Variants in BMP5 observed in about 807,000 individuals in gnomAD.
The protein encoded by BMP5 is bone morphogenetic protein 5.
BMP5 carries 23 observed loss-of-function variants against 46.6 expected under a neutral mutation model. The observed-to-expected ratio is 0.49, with a 90% CI of 0.35 to 0.70. The LOEUF (loss-of-function observed/expected upper bound fraction) is 0.70. Among genes scored for constraint, BMP5 ranks in the 30% least tolerant of loss-of-function variants. BMP5 has a pLI of 0.00. For missense variants in BMP5, 545 were observed against 565.6 expected (o/e 0.96, Z 0.37); for synonymous variants, 204 against 191.9 (o/e 1.06, Z -0.52).
At chr6:55,850,678 A>G (rs1463576763) in intron 1 of BMP5, among the ~76,000 whole-genome samples, 3 of 152,144 alleles carry the variant, frequency 2.0e-5, no homozygotes, top group Non-Finnish European at 2.9e-5. Context: ...TGATAAAGGC[A>G]CTGCCATTCA....
intron 3 of BMP5, among the ~76,000 whole-genome samples, chr6:55,777,000 G>A (rs1424420235): frequency 6.6e-6 from 1 of 151,892 alleles, no homozygotes; most frequent in Non-Finnish European, 1.5e-5. Flanking sequence ...CCAAACCAAT[G>A]TGAACTCCCT....
chr6:55,823,009 G>A (rs1776445497), intron 1 of BMP5, among the ~76,000 whole-genome samples: 7 of 152,066 alleles, frequency 4.6e-5, no homozygotes, highest in Admixed American at 4.6e-4. Flanking sequence ...ACAGCCTAAT[G>A]ATGCCCACAA....
At chr6:55,772,908 G>A (rs751732395) in intron 4 of BMP5, 28 of 984,768 alleles carry the variant, frequency 2.8e-5, no homozygotes, top group South Asian at 2.8e-4. Flanking sequence ...TTTATGGAGC[G>A]TCTCTGAGCA....
At chr6:55,822,054 T>G (rs989016326) in intron 1 of BMP5, among the ~76,000 whole-genome samples, 3 of 152,180 alleles carry the variant, frequency 2.0e-5, no homozygotes, top group African/African-American at 4.8e-5. Flanking sequence ...CATAACAGCC[T>G]ACAAGGTAGG....
At chr6:55,851,319 T>A (rs952039954) in intron 1 of BMP5, among the ~76,000 whole-genome samples, 2 of 152,202 alleles carry the variant, frequency 1.3e-5, no homozygotes, top group Non-Finnish European at 2.9e-5. Context: ...CTTCCCTTCC[T>A]GGCTTCTTTC....
intron 1 of BMP5, among the ~76,000 whole-genome samples, chr6:55,843,905 T>C (rs1777030609): frequency 6.6e-6 from 1 of 152,176 alleles, no homozygotes; most frequent in Middle Eastern, 3.4e-3. Context: ...TTCTTGTTTT[T>C]TCAAAGAGAA....
At chr6:55,846,023 G>A (rs1185704901) in intron 1 of BMP5, among the ~76,000 whole-genome samples, 1 of 151,980 alleles carries the variant, frequency 6.6e-6, no homozygotes, top group Non-Finnish European at 1.5e-5. Context: ...TTAGCTGGAA[G>A]AGCAAGTGCT....
At chr6:55,871,545 T>C (rs2127556741) in intron 1 of BMP5, among the ~76,000 whole-genome samples, 1 of 152,050 alleles carries the variant, frequency 6.6e-6, no homozygotes, top group East Asian at 1.9e-4. Flanking sequence ...ATTTTGCTTT[T>C]AGTAAATTCA....
rs150604435 is a variant in BMP5, at chr6:55,785,122, A to G, written c.832+9157T>C. Among the ~76,000 whole-genome samples the G allele has an allele frequency of 6.8e-3, 1,041 of 152,014 alleles. 12 individuals are homozygous for G. Among genetic ancestry groups the G allele is most frequent in the African/African-American group, 0.024 (981 of 41,532 alleles). On this transcript the variant is annotated intron_variant, in intron 3 of 6. Transcript: ENST00000370830. ...AAATTCTTACTGAAAATGAATTAAA[A>G]ATATACCTAGAAAGTTAAACCTGGA... is the stretch of plus-strand genomic sequence containing the variant.
intron 1 of BMP5, among the ~76,000 whole-genome samples, chr6:55,822,882 C>G (rs1040174042): frequency 6.6e-6 from 1 of 152,124 alleles, no homozygotes; most frequent in Non-Finnish European, 1.5e-5. Flanking sequence ...CCACACAGAA[C>G]GAAGTTGCAT....
rs143770481 is a variant in BMP5, at chr6:55,821,518, G to A, written c.491-1671C>T. Among the ~76,000 whole-genome samples the A allele has an allele frequency of 2.3e-3, 354 of 152,186 alleles. 3 individuals are homozygous for A. Among genetic ancestry groups the A allele is most frequent in the African/African-American group, 8.2e-3 (340 of 41,524 alleles). On this transcript the variant is annotated intron_variant, in intron 1 of 6. Transcript: ENST00000370830. Reference sequence around the variant, plus strand: ...ATTTTTGTCCTGTGGATCTTGGCAAGGATGATGCTCTTTGGCTCTCTGACT... The same window carrying A: ...ATTTTTGTCCTGTGGATCTTGGCAAAGATGATGCTCTTTGGCTCTCTGACT...
chr6:55,772,900 T>A, intron 4 of BMP5: 1 of 985,116 alleles, frequency 1.0e-6, no homozygotes. Context: ...CTAGTAGTTT[T>A]ATGGAGCGTC....
At chr6:55,765,010 T>C (rs1296357741) in intron 4 of BMP5, among the ~76,000 whole-genome samples, 1 of 152,188 alleles carries the variant, frequency 6.6e-6, no homozygotes, top group East Asian at 1.9e-4. Context: ...GATATCTTAA[T>C]TACCCTGATT....
At chr6:55,866,236 C>T (rs1164357350) in intron 1 of BMP5, among the ~76,000 whole-genome samples, 1 of 152,098 alleles carries the variant, frequency 6.6e-6, no homozygotes, top group African/African-American at 2.4e-5. Flanking sequence ...CAGTGTTTCT[C>T]TGTGATTGAA....
intron 2 of BMP5, among the ~76,000 whole-genome samples, chr6:55,817,928 G>A (rs1192552394): frequency 6.6e-6 from 1 of 152,092 alleles, no homozygotes; most frequent in Non-Finnish European, 1.5e-5. Flanking sequence ...TCATATTGAT[G>A]GTCTTCTGTG....
At chr6:55,840,314 G>C (rs921325813) in intron 1 of BMP5, among the ~76,000 whole-genome samples, 1 of 152,054 alleles carries the variant, frequency 6.6e-6, no homozygotes, top group Admixed American at 6.6e-5. Context: ...TAAATAAAGA[G>C]TATTTTATTT....
rs376691383 is a variant in BMP5 at position 55,858,653 on chromosome 6, G to A, written c.490+15723C>T. ...GAAATTGAAACAAATTTACTGAAAA[G>A]CAATTTAGTGTATTTTTCAGGAGGC... On this transcript the variant is annotated intron_variant, in intron 1 of 6. Transcript: ENST00000370830. Among the ~76,000 whole-genome samples, 6 of 152,120 alleles carry A rather than the reference G, an allele frequency of 3.9e-5. No individual in the cohort carries two copies. The East Asian group carries it at 1.2e-3, about 29-fold the overall frequency.
intron 3 of BMP5, among the ~76,000 whole-genome samples, chr6:55,780,470 A>AAAAG (rs560608478): frequency 0.056 from 7,270 of 130,954 alleles, 535 homozygotes; most frequent in East Asian, 0.17. Flanking sequence ...AAAAAAAAAA[A>AAAAG]AAAGAAAGAA....
rs556973731 is a variant in BMP5 at position 55,764,748 on chromosome 6, T to C, written c.1028-4215A>G. Among the ~76,000 whole-genome samples the C allele has an allele frequency of 4.1e-5, 6 of 146,330 alleles. 1 individual carries two copies. In the South Asian group the frequency reaches 1.3e-3, roughly 31 times the overall value. ...AAAAAAAAAAAAGATCTCCTGAAGA[T>C]AGGTAGAGAGTAGAATGGTGGTTAC... On this transcript the variant is annotated intron_variant, in intron 4 of 6. Transcript: ENST00000370830.
Sources: gnomAD v4.1 joint callset for allele counts (sites outside exome capture counted in the v4.1 genomes callset) on GRCh38, gnomAD v4.1.1 for gene constraint, MANE v1.5 for transcripts, NCBI Gene and HGNC (gene_info 2026-07-23, HGNC 2026-07-21) for gene names.